ANO10: variants seen among roughly 807,000 people sequenced by gnomAD.
The protein encoded by ANO10 is anoctamin 10, also known as anoctamin-10.
ANO10 carries 77 observed loss-of-function variants against 74.7 expected under a neutral mutation model. The observed-to-expected ratio is 1.03, with a 90% confidence interval of 0.86 to 1.25. The LOEUF (loss-of-function observed/expected upper bound fraction) is 1.25, where lower values mean the gene tolerates loss of function less well. Among genes scored for constraint, ANO10 ranks in the 50% most tolerant of loss-of-function variants. ANO10 has a pLI of 0.00. For missense variants in ANO10, 721 were observed against 778.1 expected (o/e 0.93, Z 0.87); for synonymous variants, 279 against 284.9 (o/e 0.98, Z 0.21).
At position 43,409,345 on chromosome 3, in the gene ANO10, C is replaced by T. The variant is rs551307590; in HGVS notation, c.1914+23266G>A. On this transcript the variant is annotated intron_variant, in intron 12 of 12. Transcript: ENST00000292246. ...GGTGGATCACTTGAGTCCAGGTGTT[C>T]AAGATCAGCCTGGGCAACACGGCAA... 1.9e-3 allele frequency among the ~76,000 whole-genome samples: 282 copies of T among 152,100 alleles called. 1 individual carries two copies. Among genetic ancestry groups the T allele is most frequent in the African/African-American group, 4.9e-3 (204 of 41,470 alleles).
rs1485240201 is a variant in ANO10, at chr3:43,614,499, T to A, written c.-12+7410A>T. ...ATATGCCAAGACACATTTGAAAAGA[T>A]GTCCAGAGTCACCAATTTTAAAAAT... is the stretch of plus-strand genomic sequence containing the variant. On this transcript the variant is annotated intron_variant, in intron 1 of 12. Transcript: ENST00000292246. 2.0e-5 allele frequency among the ~76,000 whole-genome samples: 3 copies of A among 152,032 alleles called. No homozygotes were observed. The East Asian group carries it at 5.8e-4, about 29-fold the overall frequency.
chr3:43,685,502 T>C (rs72622912), intron 1 of ANO10, among the ~76,000 whole-genome samples: 12,738 of 152,246 alleles, frequency 0.084, 736 homozygotes, highest in South Asian at 0.21. Flanking sequence ...AGCAAACATC[T>C]TTTTATGTGT....
At chr3:43,448,716 CATGGCTGCTAAATCAT>C (rs1427636670) in intron 11 of ANO10, among the ~76,000 whole-genome samples, 1 of 152,150 alleles carries the variant, frequency 6.6e-6, no homozygotes, top group Non-Finnish European at 1.5e-5. Context: ...TACCAAGGAG[CATGGCTGCTAAATCAT>C]ATGGTAAAAG....
At chr3:43,463,288 A>G (rs1486783046) in intron 11 of ANO10, among the ~76,000 whole-genome samples, 3 of 152,246 alleles carry the variant, frequency 2.0e-5, no homozygotes, top group African/African-American at 4.8e-5. Context: ...AAGCCACAGG[A>G]GCAGAGCTGC....
At chr3:43,547,463 C>T (rs2079248594) in intron 11 of ANO10, among the ~76,000 whole-genome samples, 1 of 152,170 alleles carries the variant, frequency 6.6e-6, no homozygotes, top group Non-Finnish European at 1.5e-5. Context: ...CCCCTGAAAC[C>T]TGCAGGGAGC....
chr3:43,407,012 T>C (rs2092587849), intron 12 of ANO10, among the ~76,000 whole-genome samples: 1 of 152,020 alleles, frequency 6.6e-6, no homozygotes, highest in Admixed American at 6.6e-5. Context: ...CATGCGATTC[T>C]CCTGCCTCAG....
intron 12 of ANO10, among the ~76,000 whole-genome samples, chr3:43,405,059 C>G (rs530271039): frequency 6.6e-5 from 10 of 152,236 alleles, no homozygotes; most frequent in Non-Finnish European, 1.5e-4. Flanking sequence ...GAAGTAAACA[C>G]AAATTTAGAA....
intron 12 of ANO10, among the ~76,000 whole-genome samples, chr3:43,377,748 C>G (rs1001968800): frequency 6.6e-6 from 1 of 152,198 alleles, no homozygotes; most frequent in African/African-American, 2.4e-5. Context: ...CAAAGAAACC[C>G]CCGCAGGCTC....
chr3:43,690,905 C>A, intron 1 of ANO10: 1 of 1,408,350 alleles, frequency 7.1e-7, no homozygotes, highest in East Asian at 2.9e-5. Context: ...CGGCCTGCGC[C>A]GCCTTAAGTG....
At chr3:43,484,047 C>T (rs1284762225) in intron 11 of ANO10, among the ~76,000 whole-genome samples, 1 of 152,076 alleles carries the variant, frequency 6.6e-6, no homozygotes, top group Admixed American at 6.5e-5. Flanking sequence ...ATGATCCTCC[C>T]ACCTCAGCCT....
At chr3:43,496,607 T>C (rs1239062625) in intron 11 of ANO10, among the ~76,000 whole-genome samples, 2 of 151,944 alleles carry the variant, frequency 1.3e-5, no homozygotes, top group Non-Finnish European at 2.9e-5. Context: ...CTAATTTACA[T>C]ATATATATTT....
At chr3:43,516,840 C>A (rs1374017735) in intron 11 of ANO10, among the ~76,000 whole-genome samples, 1 of 152,228 alleles carries the variant, frequency 6.6e-6, no homozygotes, top group South Asian at 2.1e-4. Context: ...AATAATGTTC[C>A]TATTTGTTGA....
chr3:43,450,352 G>T (rs1274673744), intron 11 of ANO10, among the ~76,000 whole-genome samples: 1 of 151,966 alleles, frequency 6.6e-6, no homozygotes, highest in Non-Finnish European at 1.5e-5. Context: ...ACCAGCCTGG[G>T]CAACATAGTG....
intron 11 of ANO10, among the ~76,000 whole-genome samples, chr3:43,525,789 T>C (rs145088572): frequency 6.6e-6 from 1 of 152,322 alleles, no homozygotes; most frequent in Non-Finnish European, 1.5e-5. Flanking sequence ...TTCCTCTCCA[T>C]TGTGAGTTTT....
rs372281505 is a variant in ANO10 at position 43,640,873 on chromosome 3, G to A, written c.-11-35010C>T. ...TGATTGTCTAATTCCCCAGTCATGC[G>A]AGTAAACAGAGAATTTAATGTGTTT... On this transcript the variant is annotated intron_variant, in intron 1 of 3. Coordinates refer to the ANO10 transcript ENST00000413397. 3.9e-5 allele frequency among the ~76,000 whole-genome samples: 6 copies of A among 152,024 alleles called. No homozygotes were observed. The East Asian group carries it at 5.8e-4, about 15-fold the overall frequency.
At chr3:43,530,807 T>C (rs1335115477) in intron 11 of ANO10, among the ~76,000 whole-genome samples, 1 of 152,218 alleles carries the variant, frequency 6.6e-6, no homozygotes, top group Non-Finnish European at 1.5e-5. Flanking sequence ...CAGGGTTCAA[T>C]ACTATCTATT....
chr3:43,469,038 C>CTTTTTTTTTTTT (rs371985258), intron 11 of ANO10, among the ~76,000 whole-genome samples: 1 of 70,338 alleles, frequency 1.4e-5, no homozygotes. Context: ...CAATTAGCTG[C>CTTTTTTTTTTTT]TTTTTTTTTT....
At chr3:43,579,758 G>A (rs1375719388) in intron 5 of ANO10, among the ~76,000 whole-genome samples, 1 of 152,108 alleles carries the variant, frequency 6.6e-6, no homozygotes, top group African/African-American at 2.4e-5. Flanking sequence ...AACTTGTTTG[G>A]TTCCAACTCT....
At position 43,552,706 on chromosome 3, in the gene ANO10, ATATATATATATATATATATATATG is replaced by A. The variant is rs1389662574; in HGVS notation, c.1668+2548_1668+2571del. On this transcript the variant is annotated intron_variant, in intron 10 of 12. Coordinates refer to ENST00000292246, the MANE Select transcript of ANO10 (RefSeq NM_018075.5). ...AAAAATATTATCTCTGGATATATATATATATATATATATATATATATATGTATGTATGTATGTATGTATGTATGT... is the reference window on the plus strand; with the variant it reads ...AAAAATATTATCTCTGGATATATATATATGTATGTATGTATGTATGTATGT... Among the ~76,000 whole-genome samples, 802 of 95,540 alleles carry A rather than the reference ATATATATATATATATATATATATG, an allele frequency of 8.4e-3. 8 individuals are homozygous for A. The highest frequency in any genetic ancestry group is 0.033 in the African/African-American group (730 of 22,258). The allele number at this position is 95,540 out of a possible 152,430, so 62.7% of individuals were successfully genotyped here.
Sources: gnomAD v4.1 joint callset for allele counts (sites outside exome capture counted in the v4.1 genomes callset) on GRCh38, gnomAD v4.1.1 for gene constraint, MANE v1.5 for transcripts, NCBI Gene and HGNC (gene_info 2026-07-23, HGNC 2026-07-21) for gene names.